OVCH1: variants seen among roughly 807,000 people sequenced by gnomAD.
OVCH1 encodes the protein ovochymase-1.
Under a neutral mutation model 138.4 loss-of-function variants are expected in OVCH1, and 139 were observed. The ratio of observed to expected loss-of-function variants is 1.00; its 90% CI spans 0.87 to 1.16. OVCH1 has a LOEUF of 1.16. Ranked by LOEUF, OVCH1 falls within the 50% of genes most tolerant of loss-of-function variation. OVCH1 has a pLI of 0.00. For synonymous variants in OVCH1, 453 were observed against 467.8 expected, an observed-to-expected ratio of 0.97 and a Z score of 0.41; for missense variants, 1,367 against 1,357.9, an observed-to-expected ratio of 1.01 and a Z score of -0.11.
intron 2 of OVCH1, 45 bp downstream of exon 2, chr12:29,496,511 T>G (rs771696133): frequency 6.8e-7 from 1 of 1,473,726 alleles, no homozygotes; most frequent in Non-Finnish European, 9.3e-7. Context: ...AAGGAAATAT[T>G]TCACTGTTTT....
rs148151076 is a variant in OVCH1, at chr12:29,413,282, C to T, written c.*72-557G>A. The stretch of plus-strand genomic sequence containing the variant: ...CAGGTATTACCATATCCTCCCACGA[C>T]AATAGGAACATATGCCCTACACTCA... On this transcript the variant is annotated intron_variant and NMD_transcript_variant, in intron 3 of 4. Transcript: ENST00000539117. Among the ~76,000 whole-genome samples, 135 of 152,212 alleles carry T rather than the reference C, an allele frequency of 8.9e-4. 1 individual carries two copies. The East Asian group carries it at 9.1e-3, about 10-fold the overall frequency.
chr12:29,471,959 T>A (rs771253020), exon 16 of OVCH1: 5 of 1,612,324 alleles, frequency 3.1e-6, no homozygotes, highest in Non-Finnish European at 3.4e-6. Flanking sequence ...CACTGGGGAC[T>A]AAATGGAGGG....
intron 25 of OVCH1, among the ~76,000 whole-genome samples, chr12:29,440,045 C>A (rs1289318235): frequency 6.6e-6 from 1 of 152,156 alleles, no homozygotes; most frequent in East Asian, 1.9e-4. Context: ...GGCTTCATTA[C>A]ATAGACATGA....
chr12:29,493,837 ACT>A (rs1313573920), intron 4 of OVCH1, among the ~76,000 whole-genome samples: 2 of 151,952 alleles, frequency 1.3e-5, no homozygotes, highest in East Asian at 1.9e-4. Flanking sequence ...AATTCTTCAG[ACT>A]CTCTTTGATG....
At position 29,441,880 on chromosome 12, in the gene OVCH1, G is replaced by A. The variant is rs370491342; in HGVS notation, c.3157+1481C>T. Among the ~76,000 whole-genome samples the A allele has an allele frequency of 1.0e-2, 1,518 of 152,008 alleles. 10 individuals are homozygous for A. The highest frequency in any genetic ancestry group is 0.024 in the African/African-American group (980 of 41,462). On this transcript the variant is annotated intron_variant, in intron 25 of 27. Coordinates refer to ENST00000318184, the Ensembl canonical transcript of OVCH1. ...AAAAACACATGAAAAAATGCTCACCGTCACTGGCCATCAGAGAAATGCAAA... is the reference window on the plus strand; with the variant it reads ...AAAAACACATGAAAAAATGCTCACCATCACTGGCCATCAGAGAAATGCAAA...
chr12:29,402,176 CATACA>C, the OVCH1 span, among the ~76,000 whole-genome samples: 7 of 152,124 alleles, frequency 4.6e-5, no homozygotes, highest in South Asian at 8.3e-4. Context: ...CCTGACATTT[CATACA>C]ATACAACTTT....
At chr12:29,427,541 A>T (rs1396591821), downstream of OVCH1, 2 of 1,550,574 alleles carry the variant, frequency 1.3e-6, no homozygotes, top group Non-Finnish European at 1.7e-6. Context: ...CTCTTCCTCC[A>T]TGTGAGGACC....
At chr12:29,421,455 G>T (rs1345985058) in intron 3 of OVCH1, among the ~76,000 whole-genome samples, 2 of 152,038 alleles carry the variant, frequency 1.3e-5, no homozygotes, top group Non-Finnish European at 2.9e-5. Context: ...AAAATAAGAA[G>T]ATCAATAAAG....
Position 29,462,016 on chromosome 12 carries a change from AG to A in OVCH1, c.2126-9del. 1 of 1,610,324 alleles carries A rather than the reference AG, an allele frequency of 6.2e-7. No homozygotes were observed. ...GACTTGCTAGGCCACCATCTAATGA[AG>A]AAACATTCAGAGAGAGCTCGATGAT... On this transcript the variant is annotated splice_polypyrimidine_tract_variant and intron_variant, in intron 18 of 27. Coordinates refer to ENST00000318184, the Ensembl canonical transcript of OVCH1.
At chr12:29,487,644 G>A (rs1943148781) in intron 7 of OVCH1, 49 bp downstream of exon 7, 1 of 1,493,064 alleles carries the variant, frequency 6.7e-7, no homozygotes, top group East Asian at 2.4e-5. Flanking sequence ...ACATAGCAGA[G>A]TAACTACCCT....
chr12:29,479,626 A>G (rs1942858758), intron 8 of OVCH1, among the ~76,000 whole-genome samples: 1 of 152,152 alleles, frequency 6.6e-6, no homozygotes. Flanking sequence ...AAGCAATCTT[A>G]CCTAGAATCT....
At chr12:29,474,104 C>CAT (rs1035499007) in intron 14 of OVCH1, among the ~76,000 whole-genome samples, 45 of 142,736 alleles carry the variant, frequency 3.2e-4, no homozygotes, top group South Asian at 1.3e-3. Context: ...CACACACACA[C>CAT]ATATATATAT....
chr12:29,487,759 C>A, exon 7 of OVCH1: 1 of 1,606,730 alleles, frequency 6.2e-7, no homozygotes, highest in Non-Finnish European at 8.5e-7. Flanking sequence ...CCAAGTGATG[C>A]CTTCACATGG....
At chr12:29,476,418 A>G in intron 12 of OVCH1, 119 bp from the exon 13 acceptor site, 2 of 808,476 alleles carry the variant, frequency 2.5e-6, no homozygotes, top group South Asian at 3.1e-5. Flanking sequence ...TTCACATAGA[A>G]GTGTAAATAA....
At chr12:29,477,358 A>G in exon 11 of OVCH1, 1 of 1,613,996 alleles carries the variant, frequency 6.2e-7, no homozygotes, top group Non-Finnish European at 8.5e-7. Context: ...TGACTTCTGT[A>G]CAGCAGTAAC....
intron 11 of OVCH1, 53 bp downstream of exon 11, chr12:29,477,288 C>T: frequency 6.2e-7 from 1 of 1,613,300 alleles, no homozygotes; most frequent in Non-Finnish European, 8.5e-7. Context: ...TTCTCCTCTT[C>T]CCCACCCACA....
intron 4 of OVCH1, among the ~76,000 whole-genome samples, chr12:29,492,450 G>C (rs188694835): frequency 6.6e-6 from 1 of 152,150 alleles, no homozygotes; most frequent in Admixed American, 6.5e-5. Flanking sequence ...GTTTGAATAG[G>C]GTGACATAAC....
At position 29,414,084 on chromosome 12, in the gene OVCH1, A is replaced by G. The variant is rs139873706; in HGVS notation, c.*72-1359T>C. ...ACCCAGGCTGGAGTGTAGTGGCACAATCTCGGCTGACTGCAACCTCTACCT... is the reference window on the plus strand; with the variant it reads ...ACCCAGGCTGGAGTGTAGTGGCACAGTCTCGGCTGACTGCAACCTCTACCT... On this transcript the variant is annotated intron_variant and NMD_transcript_variant, in intron 3 of 4. Transcript: ENST00000539117. Among the ~76,000 whole-genome samples the G allele has an allele frequency of 4.1e-3, 603 of 146,546 alleles. 3 individuals are homozygous for G. Among genetic ancestry groups the G allele is most frequent in the African/African-American group, 0.014 (551 of 38,678 alleles).
intron 27 of OVCH1, among the ~76,000 whole-genome samples, chr12:29,431,624 A>G (rs1466911616): frequency 1.3e-5 from 2 of 152,218 alleles, no homozygotes; most frequent in Admixed American, 6.5e-5. Context: ...CATATAAATT[A>G]TAATGGCTCT....
Sources: gnomAD v4.1 joint callset for allele counts (sites outside exome capture counted in the v4.1 genomes callset) on GRCh38, gnomAD v4.1.1 for gene constraint, MANE v1.5 for transcripts, NCBI Gene and HGNC (gene_info 2026-07-23, HGNC 2026-07-21) for gene names.